The following WDR26 variants were observed in gnomAD, a reference collection of about 807,000 sequenced individuals.
WDR26 encodes the protein WD repeat domain 26.
A neutral mutation model predicts 84.1 loss-of-function variants in WDR26; 5 were observed. The observed-to-expected ratio is 0.06, with a 90% CI of 0.03 to 0.13. The LOEUF (loss-of-function observed/expected upper bound fraction) is 0.13, where lower values mean the gene tolerates loss of function less well. Among genes scored for constraint, WDR26 ranks in the 10% least tolerant of loss-of-function variants. WDR26 has a pLI of 1.00. For synonymous variants in WDR26, 415 were observed against 389.6 expected, an observed-to-expected ratio of 1.07 and a Z score of -0.77; for missense variants, 642 against 974.9, an observed-to-expected ratio of 0.66 and a Z score of 4.55.
Position 224,420,749 on chromosome 1 carries a change from G to T in WDR26, c.1065-1134C>A, listed in dbSNP as rs377644708. 3.3e-5 allele frequency among the ~76,000 whole-genome samples: 5 copies of T among 152,166 alleles called. No individual in the cohort carries two copies. In the East Asian group the frequency reaches 9.7e-4, roughly 29 times the overall value. On this transcript the variant is annotated intron_variant, in intron 4 of 13. Transcript: ENST00000414423. ...GTAATTATACTCAAAAACGCTATAG[G>T]AAGTTAGCTATTGTGTTTTTTTGTA...
intron 1 of WDR26, among the ~76,000 whole-genome samples, chr1:224,432,489 C>T (rs1033577060): frequency 6.6e-6 from 1 of 152,202 alleles, no homozygotes; most frequent in African/African-American, 2.4e-5. Context: ...AAAGATTCAT[C>T]AACTGTATTT....
At chr1:224,433,616 T>TCCCCCACC in intron 1 of WDR26, 68 bp downstream of exon 1, 1 of 557,420 alleles carries the variant, frequency 1.8e-6, no homozygotes, top group Non-Finnish European at 2.6e-6. Flanking sequence ...CTCCGCCCCT[T>TCCCCCACC]CCCCTACCCC....
At chr1:224,401,671 C>CAAAAAAAAAAAAAAAGAAAAAAAAAAA (rs1673417144) in intron 8 of WDR26, among the ~76,000 whole-genome samples, 1 of 49,640 alleles carries the variant, frequency 2.0e-5, no homozygotes, top group South Asian at 9.9e-4. Context: ...GAGACTGTCT[C>CAAAAAAAAAAAAAAAGAAAAAAAAAAA]AAAAAAAAAA....
At position 224,398,561 on chromosome 1, in the gene WDR26, G is replaced by A. The variant is rs1332014866; in HGVS notation, c.1898C>T (p.Thr633Ile). The change falls in exon 11 of 14, where the codon ACT (threonine) becomes ATT (isoleucine). Residue 633 changes from threonine (T) to isoleucine (I), a missense_variant. Thr to Ile is a moderately conservative substitution (Grantham distance 89). Around this residue, in one of 2 missense-constraint regions of WDR26, gnomAD observed 351 missense variants for 672.8 expected, o/e 0.52. Coordinates refer to ENST00000414423, the MANE Select transcript of WDR26 (RefSeq NM_001379403.1). The stretch of plus-strand genomic sequence containing the variant: ...AGCTAATCGGCCATTTTTTGAAATA[G>A]TAAAAGACATAATAGGATGATCTTC... 1 of 1,610,162 alleles carries A rather than the reference G, an allele frequency of 6.2e-7. No individual in the cohort carries two copies. The highest frequency in any genetic ancestry group is 8.5e-7 in the Non-Finnish European group (1 of 1,178,648).
Position 224,386,912 on chromosome 1 carries a change from A to G in WDR26, c.*2923T>C, listed in dbSNP as rs1251119485. ...GAAGCTTTGTCATCCCTCCCCACTA[A>G]CTCCCACTCCAATTCTTTACTACCC... On this transcript the variant is annotated 3_prime_UTR_variant, in exon 14 of 14. Coordinates refer to ENST00000414423, the MANE Select transcript of WDR26 (RefSeq NM_001379403.1). 1 of 152,054 alleles carries G rather than the reference A, an allele frequency of 6.6e-6. No individual in the cohort carries two copies. The highest frequency in any genetic ancestry group is 1.5e-5 in the Non-Finnish European group (1 of 68,008). The allele number at this position is 152,054 out of a possible 1,614,324, so 9.4% of individuals were successfully genotyped here.
At chr1:224,405,459 T>C (rs1454485147) in intron 7 of WDR26, among the ~76,000 whole-genome samples, 3 of 152,212 alleles carry the variant, frequency 2.0e-5, no homozygotes, top group African/African-American at 7.2e-5. Flanking sequence ...TTCTGGGTCG[T>C]ATGCTAACTC....
intron 4 of WDR26, 105 bp from the exon 5 acceptor site, chr1:224,419,720 G>A: frequency 1.2e-6 from 1 of 823,830 alleles, no homozygotes; most frequent in Non-Finnish European, 2.0e-6. Flanking sequence ...ACTAATACAT[G>A]TCAAGAAATT....
rs1293361919 is a variant in WDR26, at chr1:224,389,698, G to A, written c.*137C>T. On this transcript the variant is annotated 3_prime_UTR_variant, in exon 14 of 14. Transcript: ENST00000414423. ...AAGGTGTAAATGTTTGGCCCCAATC[G>A]GGCTTCAGAAATGGTTCTTTTTTCA... is the stretch of plus-strand genomic sequence containing the variant. 8 of 888,500 alleles carry A rather than the reference G, an allele frequency of 9.0e-6. No individual in the cohort carries two copies. The highest frequency in any genetic ancestry group is 1.7e-5 in the African/African-American group (1 of 59,466). The allele number at this position is 888,500 out of a possible 1,614,324, so 55.0% of individuals were successfully genotyped here. A position where few individuals can be genotyped will look rare whatever the true frequency, so the allele number is the denominator to read the frequency against.
intron 9 of WDR26, among the ~76,000 whole-genome samples, chr1:224,399,256 T>C (rs1005131793): frequency 1.3e-5 from 2 of 152,120 alleles, no homozygotes; most frequent in Admixed American, 6.5e-5. Flanking sequence ...GAGAGACACT[T>C]TGTAGCTCTA....
rs1052118449 is a variant in WDR26 at position 224,385,673 on chromosome 1, T to C, written c.*4162A>G. 2 of 152,794 alleles carry C rather than the reference T, an allele frequency of 1.3e-5. No individual in the cohort carries two copies. The highest frequency in any genetic ancestry group is 4.8e-5 in the African/African-American group (2 of 41,584). The allele number at this position is 152,794 out of a possible 1,614,324, so 9.5% of individuals were successfully genotyped here. ...ACAGCTTGGTTTGTAAGTACATACA[T>C]GCTTTTGTGGATCTATTCCCCTCGC... On this transcript the variant is annotated 3_prime_UTR_variant, in exon 14 of 14. Transcript: ENST00000414423.
chr1:224,391,384 CAAAAA>C (rs59569992), intron 13 of WDR26, among the ~76,000 whole-genome samples: 2 of 125,152 alleles, frequency 1.6e-5, no homozygotes, highest in East Asian at 2.2e-4. Context: ...AAAAAAAAAA[CAAAAA>C]AAAAACCTTA....
rs142321713 is a variant in WDR26 at position 224,421,331 on chromosome 1, A to G, written c.1065-1716T>C. On this transcript the variant is annotated intron_variant, in intron 4 of 13. Coordinates refer to ENST00000414423, the MANE Select transcript of WDR26 (RefSeq NM_001379403.1). Reference sequence around the variant, plus strand: ...TAAAAAGGTAATCAGCACGCCTGTAATCCCAGCACTTTGGGAGATGAGGCA... The same window carrying G: ...TAAAAAGGTAATCAGCACGCCTGTAGTCCCAGCACTTTGGGAGATGAGGCA... 3.2e-3 allele frequency among the ~76,000 whole-genome samples: 489 copies of G among 152,342 alleles called. 3 individuals carry two copies. Among genetic ancestry groups the G allele is most frequent in the African/African-American group, 0.011 (467 of 41,580 alleles).
intron 12 of WDR26, among the ~76,000 whole-genome samples, chr1:224,396,874 C>T (rs992168492): frequency 4.7e-4 from 68 of 143,190 alleles, no homozygotes; most frequent in Admixed American, 1.8e-3. Context: ...GCATCAAGAT[C>T]GTGCCATTGC....
At chr1:224,407,502 C>T (rs920642219) in intron 7 of WDR26, among the ~76,000 whole-genome samples, 1 of 131,076 alleles carries the variant, frequency 7.6e-6, no homozygotes, top group African/African-American at 3.1e-5. Flanking sequence ...TATATATATA[C>T]ATATATAAAT....
At position 224,385,307 on chromosome 1, in the gene WDR26, T is replaced by C. The variant is rs1333768562; in HGVS notation, c.*4528A>G. The C allele has an allele frequency of 6.6e-6, 1 of 152,240 alleles. No homozygotes were observed. Among genetic ancestry groups the C allele is most frequent in the Non-Finnish European group, 1.5e-5 (1 of 68,036 alleles). 9.4% of individuals were successfully genotyped at this position (152,240 alleles called of 1,614,324 possible). A position where few individuals can be genotyped will look rare whatever the true frequency, so the allele number is the denominator to read the frequency against. On this transcript the variant is annotated 3_prime_UTR_variant, in exon 14 of 14. Transcript: ENST00000414423. ...TGAACAAAAATTTAAAGACGTTTAA[T>C]ACATTACACATTTATAAAATAAAAG...
chr1:224,434,761 C>T lies in WDR26; in HGVS notation c.-356G>A. ...TCCTCGGATCCGCTCCGCTCTGCTCCCTGGTGTGTTGATTCTTCCCCCAGC... is the reference window on the plus strand; with the variant it reads ...TCCTCGGATCCGCTCCGCTCTGCTCTCTGGTGTGTTGATTCTTCCCCCAGC... On this transcript the variant is annotated 5_prime_UTR_variant, in exon 1 of 14. Coordinates refer to ENST00000414423, the MANE Select transcript of WDR26 (RefSeq NM_001379403.1). 1 of 986,528 alleles carries T rather than the reference C, an allele frequency of 1.0e-6. No individual in the cohort carries two copies. The highest frequency in any genetic ancestry group is 1.2e-6 in the Non-Finnish European group (1 of 830,462). The allele number at this position is 986,528 out of a possible 1,614,324, so 61.1% of individuals were successfully genotyped here. A position where few individuals can be genotyped will look rare whatever the true frequency, so the allele number is the denominator to read the frequency against.
chr1:224,412,626 A>T (rs1382928745), intron 6 of WDR26, among the ~76,000 whole-genome samples: 1 of 151,786 alleles, frequency 6.6e-6, no homozygotes, highest in African/African-American at 2.4e-5. Flanking sequence ...GCACTCATTT[A>T]AAAAAAAATC....
At chr1:224,425,692 T>A (rs549225523) in intron 3 of WDR26, among the ~76,000 whole-genome samples, 1 of 152,342 alleles carries the variant, frequency 6.6e-6, no homozygotes, top group Non-Finnish European at 1.5e-5. Context: ...GACCTTTTCA[T>A]CATAGTTGCT....
intron 6 of WDR26, among the ~76,000 whole-genome samples, chr1:224,416,987 A>G (rs1424176048): frequency 1.3e-5 from 2 of 152,238 alleles, no homozygotes; most frequent in Non-Finnish European, 2.9e-5. Context: ...ACTTCCTTGT[A>G]GAATATTTAA....
Sources: allele counts gnomAD v4.1 joint callset (sites outside exome capture counted in the v4.1 genomes callset), GRCh38; gene constraint gnomAD v4.1.1; regional missense constraint gnomAD v4.1.1; transcripts MANE v1.5; gene names NCBI Gene and HGNC (gene_info 2026-07-23, HGNC 2026-07-21).